Variants in NDUFAF2 observed in about 807,000 individuals in gnomAD.
The protein encoded by NDUFAF2 is NADH dehydrogenase [ubiquinone] 1 alpha subcomplex assembly factor 2.
In NDUFAF2, 13 loss-of-function variants were observed where a neutral mutation model predicts 22.8. That is an observed-to-expected ratio of 0.57 (90% CI 0.37 to 0.91). NDUFAF2 has a LOEUF of 0.91. NDUFAF2 is among the 40% of genes least tolerant of loss of function. The probability of loss-of-function intolerance (pLI) is 0.01; values close to 1 mark genes in which losing one functional copy is unlikely to be tolerated. For missense variants in NDUFAF2, 162 were observed against 195.2 expected, an observed-to-expected ratio of 0.83 and a Z score of 1.01; for synonymous variants, 53 against 64.2, an observed-to-expected ratio of 0.83 and a Z score of 0.84.
chr5:61,037,411 A>G (rs564003440), intron 1 of NDUFAF2, among the ~76,000 whole-genome samples: 5 of 152,340 alleles, frequency 3.3e-5, no homozygotes, highest in African/African-American at 1.2e-4. Context: ...TACAAAGTTA[A>G]TGAGAGATTT....
intron 1 of NDUFAF2, among the ~76,000 whole-genome samples, chr5:60,993,747 A>G (rs1313651835): frequency 6.6e-6 from 1 of 152,174 alleles, no homozygotes; most frequent in African/African-American, 2.4e-5. Flanking sequence ...CTCAGCAGAG[A>G]GGAGTTCCTG....
intron 2 of NDUFAF2, among the ~76,000 whole-genome samples, chr5:61,080,507 C>T (rs561249421): frequency 6.6e-6 from 1 of 152,160 alleles, no homozygotes; most frequent in African/African-American, 2.4e-5. Flanking sequence ...ATCATCTTCT[C>T]CAGCCATTGC....
At chr5:60,984,161 C>T (rs1168356377) in intron 1 of NDUFAF2, among the ~76,000 whole-genome samples, 1 of 152,122 alleles carries the variant, frequency 6.6e-6, no homozygotes, top group African/African-American at 2.4e-5. Flanking sequence ...CTCTTTTAAG[C>T]AATTGTGAAT....
At chr5:61,090,705 G>A (rs1752556101) in intron 2 of NDUFAF2, among the ~76,000 whole-genome samples, 1 of 152,026 alleles carries the variant, frequency 6.6e-6, no homozygotes, top group Admixed American at 6.6e-5. Context: ...TTTATTTTAA[G>A]TTCAGGGGTA....
In NDUFAF2 at chr5:60,995,166, GT is replaced by G. The variant is rs1173928385; in HGVS notation, c.127+49787del. Among the ~76,000 whole-genome samples, 4 of 152,248 alleles carry G rather than the reference GT, an allele frequency of 2.6e-5. No homozygotes were observed. In the East Asian group the frequency reaches 7.7e-4, roughly 29 times the overall value. On this transcript the variant is annotated intron_variant, in intron 1 of 3. Coordinates refer to ENST00000296597, the MANE Select transcript of NDUFAF2 (RefSeq NM_174889.5). ...TTCGTCTGAAAGGTCACGTGTCTCTGTTTCTCCCAAATAGTTACCTAGTGCC... is the reference window on the plus strand; with the variant it reads ...TTCGTCTGAAAGGTCACGTGTCTCTGTTCTCCCAAATAGTTACCTAGTGCC...
intron 3 of NDUFAF2, among the ~76,000 whole-genome samples, chr5:61,106,470 T>C (rs1216840237): frequency 1.3e-5 from 2 of 151,460 alleles, no homozygotes; most frequent in African/African-American, 2.5e-5. Context: ...GATACGTGCA[T>C]ACAATGCGTA....
chr5:61,087,911 GAC>G (rs1425701345), intron 2 of NDUFAF2, among the ~76,000 whole-genome samples: 8 of 152,016 alleles, frequency 5.3e-5, no homozygotes, highest in Non-Finnish European at 1.2e-4. Context: ...CTTAAAATAA[GAC>G]ACATTTATTA....
At chr5:61,094,402 T>C (rs1227717724) in intron 2 of NDUFAF2, among the ~76,000 whole-genome samples, 1 of 152,238 alleles carries the variant, frequency 6.6e-6, no homozygotes, top group East Asian at 1.9e-4. Context: ...GTATCACAAT[T>C]TTTAGCTTCT....
chr5:60,954,748 C>CT (rs75180788), intron 1 of NDUFAF2, among the ~76,000 whole-genome samples: 2,875 of 142,564 alleles, frequency 0.02, 92 homozygotes, highest in African/African-American at 0.066. Context: ...CTCTGCTGTC[C>CT]TTTTTTTTTT....
chr5:61,045,863 G>C (rs891032540), intron 1 of NDUFAF2, among the ~76,000 whole-genome samples: 1 of 152,066 alleles, frequency 6.6e-6, no homozygotes, highest in African/African-American at 2.4e-5. Context: ...ATATTGAATA[G>C]AAGTGGTGAG....
At chr5:61,133,229 C>G (rs1464292194) in intron 3 of NDUFAF2, among the ~76,000 whole-genome samples, 3 of 152,068 alleles carry the variant, frequency 2.0e-5, no homozygotes, top group African/African-American at 4.8e-5. Flanking sequence ...GTGTACTAGA[C>G]AGGGAATATA....
At chr5:61,048,582 A>G (rs1751984417) in intron 1 of NDUFAF2, among the ~76,000 whole-genome samples, 1 of 152,144 alleles carries the variant, frequency 6.6e-6, no homozygotes, top group African/African-American at 2.4e-5. Flanking sequence ...TTGAGAGGTT[A>G]GTGTTGTCAG....
chr5:61,102,467 A>G (rs7737276), intron 3 of NDUFAF2, among the ~76,000 whole-genome samples: 63,642 of 151,924 alleles, frequency 0.42, 14,196 homozygotes, highest in East Asian at 0.81. Flanking sequence ...ATAACTTAAT[A>G]TCCATATGGG....
intron 1 of NDUFAF2, among the ~76,000 whole-genome samples, chr5:61,002,283 A>G (rs1279362680): frequency 6.6e-6 from 1 of 152,128 alleles, no homozygotes; most frequent in Non-Finnish European, 1.5e-5. Context: ...TTTTACTTTA[A>G]TGTATCACTT....
chr5:60,982,586 TC>T (rs1456094864), intron 1 of NDUFAF2, among the ~76,000 whole-genome samples: 1 of 131,448 alleles, frequency 7.6e-6, no homozygotes, highest in African/African-American at 2.9e-5. Flanking sequence ...TGTGTGATGT[TC>T]CCCTTCCTGT....
chr5:60,970,124 T>C (rs1750808729), intron 1 of NDUFAF2, among the ~76,000 whole-genome samples: 1 of 152,176 alleles, frequency 6.6e-6, no homozygotes, highest in African/African-American at 2.4e-5. Context: ...TTGGTTATTA[T>C]ATCTCTGTAG....
At chr5:61,149,664 T>A (rs1271211629) in intron 3 of NDUFAF2, among the ~76,000 whole-genome samples, 1 of 152,198 alleles carries the variant, frequency 6.6e-6, no homozygotes, top group Non-Finnish European at 1.5e-5. Context: ...GTTTTTAAAA[T>A]ACAAACATTT....
chr5:61,078,489 C>T (rs1294853944), intron 2 of NDUFAF2, among the ~76,000 whole-genome samples: 3 of 151,978 alleles, frequency 2.0e-5, no homozygotes, highest in Non-Finnish European at 2.9e-5. Context: ...ACCTGTAATC[C>T]CAGCACTTTG....
At chr5:61,110,042 C>G (rs58859855) in intron 3 of NDUFAF2, among the ~76,000 whole-genome samples, 2,641 of 152,210 alleles carry the variant, frequency 0.017, 81 homozygotes, top group African/African-American at 0.06. Flanking sequence ...TGAATTTTAT[C>G]AAATGCTTTT....
Sources: allele counts gnomAD v4.1 joint callset (sites outside exome capture counted in the v4.1 genomes callset), GRCh38; gene constraint gnomAD v4.1.1; transcripts MANE v1.5; gene names NCBI Gene and HGNC (gene_info 2026-07-23, HGNC 2026-07-21).